The following IQCH variants were observed in gnomAD, a reference collection of about 807,000 sequenced individuals.
IQCH encodes the protein IQ motif containing H.
A neutral mutation model predicts 117.0 loss-of-function variants in IQCH; 98 were observed. That is an observed-to-expected ratio of 0.84 (90% CI 0.71 to 0.99). IQCH has a LOEUF of 0.99. Among genes scored for constraint, IQCH ranks in the 50% least tolerant of loss-of-function variants. IQCH has a pLI of 0.00. For missense variants in IQCH, 1,102 were observed against 1,243.8 expected, an observed-to-expected ratio of 0.89 and a Z score of 1.72; for synonymous variants, 412 against 448.2, an observed-to-expected ratio of 0.92 and a Z score of 1.02.
At position 67,494,313 on chromosome 15, in the gene IQCH, A is replaced by T. The variant is rs770562893; in HGVS notation, c.2917A>T (p.Ile973Phe). The T allele has an allele frequency of 6.2e-7, 1 of 1,613,566 alleles. No homozygotes were observed. Among genetic ancestry groups the T allele is most frequent in the Non-Finnish European group, 8.5e-7 (1 of 1,179,928 alleles). The change falls in exon 20 of 21, where the codon ATC (isoleucine) becomes TTC (phenylalanine). Residue 973 changes from isoleucine (I) to phenylalanine (F), a missense_variant. By Grantham distance (21) the Ile-to-Phe change is conservative. Transcript: ENST00000335894. The surrounding 1 kb of genome is among the most constrained non-coding windows in gnomAD (Gnocchi z 5.5). ...VLMTFARHLF[I>F]IHQEISAPNM... is the part of the protein sequence containing the mutation. ...CATGACCTTTGCTCGCCATCTCTTC[A>T]TCATCCATCAAGAAATATCAGCACC...
intron 6 of IQCH, among the ~76,000 whole-genome samples, chr15:67,351,229 C>T (rs889118293): frequency 1.4e-4 from 22 of 152,034 alleles, no homozygotes; most frequent in Non-Finnish European, 1.5e-5. Context: ...TCCTAATGCT[C>T]TCCCTCCTGC....
rs898921489 is a variant in IQCH, at chr15:67,359,383, A to G, written c.715-464A>G. Among the ~76,000 whole-genome samples the G allele has an allele frequency of 6.6e-6, 1 of 152,238 alleles. No individual in the cohort carries two copies. The highest frequency in any genetic ancestry group is 1.5e-5 in the Non-Finnish European group (1 of 68,044). ...CTTTTTCCTGTGGTCCCAGATTGGT[A>G]CAGCATTTCTAAATTGACTCTTCAA... On this transcript the variant is annotated intron_variant, in intron 7 of 20. Coordinates refer to ENST00000335894, the MANE Select transcript of IQCH (RefSeq NM_001031715.3). The surrounding 1 kb of genome is among the most constrained non-coding windows in gnomAD (Gnocchi z 4.5).
Position 67,372,180 on chromosome 15 carries a change from G to A in IQCH, c.823G>A (p.Gly275Ser). 6.2e-7 allele frequency: 1 copy of A among 1,613,796 alleles called. No individual in the cohort carries two copies. Among genetic ancestry groups the A allele is most frequent in the Non-Finnish European group, 8.5e-7 (1 of 1,179,898 alleles). ...LWDYDFLIYDGVIDNTAPDFL... is the reference protein window; with the variant it reads ...LWDYDFLIYDSVIDNTAPDFL... ...GGATTATGACTTTTTAATTTATGAT[G>A]GTGTCATAGACAATACAGCCCCAGA... is the stretch of plus-strand genomic sequence containing the variant. The change falls in exon 9 of 21, where the codon GGT becomes AGT. Residue 275 changes from glycine to serine, a missense_variant. Transcript: ENST00000335894.
chr15:67,382,220 A>G (rs1206485488), intron 10 of IQCH, among the ~76,000 whole-genome samples: 1 of 152,168 alleles, frequency 6.6e-6, no homozygotes, highest in African/African-American at 2.4e-5. Flanking sequence ...ATGACAGTGA[A>G]GGGAGACTAA....
intron 15 of IQCH, 57 bp from the exon 16 acceptor site, chr15:67,421,234 G>A (rs1223145865): frequency 1.4e-6 from 2 of 1,458,998 alleles, no homozygotes; most frequent in Non-Finnish European, 1.9e-6. Context: ...CAGAATCTGA[G>A]CCCAAGTCAA....
intron 20 of IQCH, among the ~76,000 whole-genome samples, chr15:67,499,473 G>A (rs1037539963): frequency 2.6e-5 from 4 of 151,892 alleles, no homozygotes; most frequent in Non-Finnish European, 4.4e-5. Context: ...GTGAGGATAC[G>A]GAGAAACCAG....
chr15:67,336,045 A>G (rs185785305), intron 4 of IQCH, among the ~76,000 whole-genome samples: 77 of 152,234 alleles, frequency 5.1e-4, no homozygotes, highest in Admixed American at 4.3e-3. Context: ...AAATTTTACC[A>G]ATGTAAAATC....
At chr15:67,262,514 T>C (rs1444019900) in intron 2 of IQCH, among the ~76,000 whole-genome samples, 1 of 152,196 alleles carries the variant, frequency 6.6e-6, no homozygotes, top group Non-Finnish European at 1.5e-5. Context: ...CTGGAGTCTT[T>C]GGGTTGGCTC....
chr15:67,359,918 G>A lies in IQCH; in HGVS notation c.753+33G>A. ...ATTTGTGTGACTAGTTGAAATTTAG[G>A]GTCTGTCACCTGATGTCCCTTCCTT... On this transcript the variant is annotated intron_variant, in intron 8 of 20. Coordinates refer to ENST00000335894, the MANE Select transcript of IQCH (RefSeq NM_001031715.3). This position sits in a 1 kb window ranked among gnomAD's most constrained non-coding sequence, Gnocchi z 4.5. 1 of 1,576,322 alleles carries A rather than the reference G, an allele frequency of 6.3e-7. No individual in the cohort carries two copies. The highest frequency in any genetic ancestry group is 1.7e-5 in the Admixed American group (1 of 59,918).
intron 6 of IQCH, among the ~76,000 whole-genome samples, chr15:67,346,761 AATGCAC>A (rs1320730138): frequency 6.6e-6 from 1 of 152,208 alleles, no homozygotes; most frequent in Non-Finnish European, 1.5e-5. Flanking sequence ...ATTTACTTCA[AATGCAC>A]ATGGAACATT....
rs1970914903 is a variant in IQCH, at chr15:67,381,135, C to T, written c.1373-3801C>T. Among the ~76,000 whole-genome samples the T allele has an allele frequency of 6.6e-6, 1 of 152,204 alleles. No homozygotes were observed. Among genetic ancestry groups the T allele is most frequent in the African/African-American group, 2.4e-5 (1 of 41,442 alleles). On this transcript the variant is annotated intron_variant, in intron 10 of 20. Transcript: ENST00000335894. This position sits in a 1 kb window ranked among gnomAD's most constrained non-coding sequence, Gnocchi z 5.1. ...TGGCCTTGCTCATGTTCTTGGGTTT[C>T]TGTGGTTACTGTGAAAGAAAAGCCA...
intron 6 of IQCH, among the ~76,000 whole-genome samples, chr15:67,346,574 G>C (rs1237967444): frequency 6.6e-6 from 1 of 152,208 alleles, no homozygotes; most frequent in Admixed American, 6.5e-5. Flanking sequence ...CATGAACTCA[G>C]ATGGTAATGC....
intron 6 of IQCH, among the ~76,000 whole-genome samples, chr15:67,349,878 C>T (rs186812162): frequency 6.6e-6 from 1 of 152,250 alleles, no homozygotes; most frequent in Admixed American, 6.5e-5. Context: ...GATACCACTA[C>T]ATGAGGATAT....
chr15:67,351,139 G>C (rs1282795736), intron 6 of IQCH, among the ~76,000 whole-genome samples: 1 of 152,064 alleles, frequency 6.6e-6, no homozygotes, highest in Non-Finnish European at 1.5e-5. Context: ...TTGTTACATA[G>C]GTATTTATGT....
At position 67,442,817 on chromosome 15, in the gene IQCH, GAGATAGATAGATAGATAGAT is replaced by G. The variant is rs201394285; in HGVS notation, c.2505+21270_2505+21289del. 3.2e-3 allele frequency among the ~76,000 whole-genome samples: 442 copies of G among 138,200 alleles called. 3 individuals carry two copies. The highest frequency in any genetic ancestry group is 0.011 in the African/African-American group (411 of 37,018). 90.7% of individuals were successfully genotyped at this position (138,200 alleles called of 152,430 possible). ...ATCAACAAGTGGATAAAGAAACTGT[GAGATAGATAGATAGATAGAT>G]AGATAGATAGATAGATAGATAGATA... On this transcript the variant is annotated intron_variant, in intron 16 of 20. Coordinates refer to ENST00000335894, the MANE Select transcript of IQCH (RefSeq NM_001031715.3).
chr15:67,306,579 T>C (rs769604136), intron 4 of IQCH, among the ~76,000 whole-genome samples: 1 of 152,158 alleles, frequency 6.6e-6, no homozygotes, highest in Admixed American at 6.6e-5. Flanking sequence ...CTCCATCTTA[T>C]GAAGTGGTGT....
chr15:67,421,557 C>T lies in IQCH; in HGVS notation c.2485C>T (p.Pro829Ser). The T allele has an allele frequency of 6.2e-7, 1 of 1,614,128 alleles. No individual in the cohort carries two copies. Among genetic ancestry groups the T allele is most frequent in the Non-Finnish European group, 8.5e-7 (1 of 1,180,000 alleles). ...FSIDLVTFID[P>S]STLEQQVWAT... ...GATAGATCTGGTGACTTTTATAGAT[C>T]CAAGCACCTTGGAACAACAGGTAAG... is the stretch of plus-strand genomic sequence containing the variant. The change falls in exon 16 of 21, where the codon CCA (proline) becomes TCA (serine). Residue 829 changes from proline (P) to serine (S), a missense_variant. Coordinates refer to ENST00000335894, the MANE Select transcript of IQCH (RefSeq NM_001031715.3).
Position 67,467,721 on chromosome 15 carries a change from A to C in IQCH, c.2676+2424A>C, listed in dbSNP as rs1333770537. On this transcript the variant is annotated intron_variant, in intron 17 of 20. Transcript: ENST00000335894. This position sits in a 1 kb window ranked among gnomAD's most constrained non-coding sequence, Gnocchi z 5.7. ...CAAGCAAATCGAAGCTTCCTGAACA[A>C]GTGTGAACAGACTATGATGCCGTCA... Among the ~76,000 whole-genome samples the C allele has an allele frequency of 6.6e-6, 1 of 152,236 alleles. No homozygotes were observed. Among genetic ancestry groups the C allele is most frequent in the East Asian group, 1.9e-4 (1 of 5,206 alleles).
In IQCH at chr15:67,384,736, G is replaced by A. The variant is rs891131619; in HGVS notation, c.1373-200G>A. Among the ~76,000 whole-genome samples, 7 of 151,824 alleles carry A rather than the reference G, an allele frequency of 4.6e-5. No individual in the cohort carries two copies. The highest frequency in any genetic ancestry group is 1.0e-4 in the Non-Finnish European group (7 of 67,966). On this transcript the variant is annotated intron_variant, in intron 10 of 20. Transcript: ENST00000335894. This position sits in a 1 kb window ranked among gnomAD's most constrained non-coding sequence, Gnocchi z 4.3. ...GAACCCCTCTGTTACAGAGTATGTTGCTTAGCACATCTTCCAGAATAATGT... is the reference window on the plus strand; with the variant it reads ...GAACCCCTCTGTTACAGAGTATGTTACTTAGCACATCTTCCAGAATAATGT...
Sources: gnomAD v4.1 joint callset for allele counts (sites outside exome capture counted in the v4.1 genomes callset) on GRCh38, gnomAD v4.1.1 for gene constraint, Gnocchi (gnomAD v3.1) non-coding constraint, MANE v1.5 for transcripts, NCBI Gene and HGNC (gene_info 2026-07-23, HGNC 2026-07-21) for gene names.